Variants in GSDME observed in about 807,000 individuals in gnomAD.
GSDME encodes gasdermin E, also known as gasdermin-E.
In GSDME, 44 loss-of-function variants were observed where a neutral mutation model predicts 47.5. The observed-to-expected ratio is 0.93, with a 90% CI of 0.73 to 1.19. GSDME has a LOEUF of 1.19. Ranked by LOEUF, GSDME falls within the 50% of genes most tolerant of loss-of-function variation. GSDME has a pLI of 0.00. For missense variants in GSDME, 663 were observed against 604.2 expected, an observed-to-expected ratio of 1.10 and a Z score of -1.02; for synonymous variants, 258 against 252.8, an observed-to-expected ratio of 1.02 and a Z score of -0.20.
chr7:24,731,616 G>A (rs906570773), intron 3 of GSDME, among the ~76,000 whole-genome samples: 7 of 152,240 alleles, frequency 4.6e-5, no homozygotes, highest in African/African-American at 1.7e-4. Context: ...GATTTGCTAG[G>A]CAGGCTCTAT....
chr7:24,749,822 A>C (rs1790798921), intron 1 of GSDME, 29 bp from the exon 2 acceptor site: 3 of 1,476,544 alleles, frequency 2.0e-6, no homozygotes, highest in Non-Finnish European at 1.9e-6. Context: ...CCTAAAATCA[A>C]ATAAGAAGTT....
intron 1 of GSDME, among the ~76,000 whole-genome samples, chr7:24,751,220 C>A (rs960148275): frequency 1.3e-5 from 2 of 152,096 alleles, no homozygotes; most frequent in Non-Finnish European, 2.9e-5. Flanking sequence ...AAACCATTCA[C>A]AATACACAAA....
chr7:24,738,258 A>G (rs555383865), intron 3 of GSDME, among the ~76,000 whole-genome samples: 2 of 152,348 alleles, frequency 1.3e-5, no homozygotes, highest in African/African-American at 2.4e-5. Context: ...ATTAAAGCCA[A>G]TAAACAAATT....
At chr7:24,727,543 GT>G (rs1345958701) in intron 3 of GSDME, among the ~76,000 whole-genome samples, 3 of 152,310 alleles carry the variant, frequency 2.0e-5, no homozygotes, top group East Asian at 3.9e-4. Context: ...TCTCCCAAGG[GT>G]TTTGATTTAT....
chr7:24,788,369 A>G, the GSDME span, among the ~76,000 whole-genome samples: 1 of 150,810 alleles, frequency 6.6e-6, no homozygotes, highest in African/African-American at 2.4e-5. The surrounding 1 kb of genome is among the most constrained non-coding windows in gnomAD (Gnocchi z 4.6). Flanking sequence ...GTCTCTCTAC[A>G]GCTGTAGCTC....
chr7:24,746,670 G>T (rs77589514), intron 2 of GSDME, among the ~76,000 whole-genome samples: 5,661 of 152,270 alleles, frequency 0.037, 150 homozygotes, highest in Non-Finnish European at 0.055. Flanking sequence ...CAGCAGGAAG[G>T]AACAGTCAAG....
At chr7:24,707,523 C>CT (rs1789162963) in intron 7 of GSDME, 5 of 438,380 alleles carry the variant, frequency 1.1e-5, no homozygotes, top group South Asian at 3.4e-5. Flanking sequence ...TTGCAGTAGT[C>CT]TGAGTAGTGG....
Position 24,725,619 on chromosome 7 carries a change from C to T in GSDME, c.405-6401G>A, listed in dbSNP as rs1322905715. On this transcript the variant is annotated intron_variant, in intron 3 of 9. Transcript: ENST00000645220. The surrounding 1 kb of genome is among the most constrained non-coding windows in gnomAD (Gnocchi z 5.1). ...TGATCGATTGAGCAAGCAGTGGGTA[C>T]GTGACTGGGGGCTGCATGCTCTGCT... 4.6e-5 allele frequency among the ~76,000 whole-genome samples: 7 copies of T among 152,202 alleles called. No individual in the cohort carries two copies. Among genetic ancestry groups the T allele is most frequent in the Middle Eastern group, 3.4e-3 (1 of 294 alleles).
the GSDME span, among the ~76,000 whole-genome samples, chr7:24,775,355 A>G: frequency 2.5e-3 from 388 of 152,350 alleles, 2 homozygotes; most frequent in African/African-American, 9.0e-3. Flanking sequence ...TAATTTCTGT[A>G]CTATAAAATC....
At chr7:24,748,766 C>T (rs1435811805) in intron 2 of GSDME, among the ~76,000 whole-genome samples, 1 of 152,072 alleles carries the variant, frequency 6.6e-6, no homozygotes, top group Non-Finnish European at 1.5e-5. Flanking sequence ...CACATAAGCC[C>T]ATCCCCCATG....
At chr7:24,713,640 G>A (rs1325534803) in intron 5 of GSDME, among the ~76,000 whole-genome samples, 2 of 152,206 alleles carry the variant, frequency 1.3e-5, no homozygotes, top group Non-Finnish European at 2.9e-5. Context: ...GGGAAGGCAC[G>A]AGACCCATGC....
chr7:24,767,254 G>A, the GSDME span, among the ~76,000 whole-genome samples: 2 of 152,162 alleles, frequency 1.3e-5, no homozygotes, highest in African/African-American at 2.4e-5. The surrounding 1 kb of genome is among the most constrained non-coding windows in gnomAD (Gnocchi z 5.3). Flanking sequence ...AACCTGGGAG[G>A]CAGAGGTTGC....
chr7:24,708,689 G>A (rs1364116863), intron 6 of GSDME, among the ~76,000 whole-genome samples: 1 of 152,144 alleles, frequency 6.6e-6, no homozygotes, highest in Non-Finnish European at 1.5e-5. Context: ...GTCCTTTCTT[G>A]TAGTACATTG....
At chr7:24,766,880 C>T in the GSDME span, among the ~76,000 whole-genome samples, 1 of 152,244 alleles carries the variant, frequency 6.6e-6, no homozygotes, top group Non-Finnish European at 1.5e-5. This position sits in a 1 kb window ranked among gnomAD's most constrained non-coding sequence, Gnocchi z 4.2. Flanking sequence ...AATTGCCACA[C>T]TGTCTTCCAC....
rs1352901738 is a variant in GSDME at position 24,714,331 on chromosome 7, C to T, written c.697+2923G>A. ...CCACCAGGAAGGTAGGGAGAGAGAG[C>T]AGGCATGTCTTCTCAAGGGCCCTTC... On this transcript the variant is annotated intron_variant, in intron 5 of 9. Transcript: ENST00000645220. This position sits in a 1 kb window ranked among gnomAD's most constrained non-coding sequence, Gnocchi z 5.0. Among the ~76,000 whole-genome samples, 3 of 152,142 alleles carry T rather than the reference C, an allele frequency of 2.0e-5. No individual in the cohort carries two copies. The highest frequency in any genetic ancestry group is 4.4e-5 in the Non-Finnish European group (3 of 68,030).
chr7:24,699,463 C>A (rs1359083733), intron 9 of GSDME, among the ~76,000 whole-genome samples: 1 of 152,066 alleles, frequency 6.6e-6, no homozygotes, highest in Non-Finnish European at 1.5e-5. Flanking sequence ...TTGCCTCAGC[C>A]TCCCGAGTAG....
chr7:24,793,657 A>G, the GSDME span, among the ~76,000 whole-genome samples: 1 of 152,256 alleles, frequency 6.6e-6, no homozygotes, highest in Non-Finnish European at 1.5e-5. Context: ...TTCACAGACA[A>G]TTCTTCAACA....
chr7:24,766,585 A>G, the GSDME span, among the ~76,000 whole-genome samples: 3 of 152,142 alleles, frequency 2.0e-5, no homozygotes, highest in African/African-American at 7.2e-5. The surrounding 1 kb of genome is among the most constrained non-coding windows in gnomAD (Gnocchi z 4.2). Flanking sequence ...TAGTTTGCTG[A>G]GAGTGATGGT....
At chr7:24,755,748 G>A (rs1790994852) in intron 1 of GSDME, among the ~76,000 whole-genome samples, 1 of 152,114 alleles carries the variant, frequency 6.6e-6, no homozygotes, top group Non-Finnish European at 1.5e-5. Flanking sequence ...CTTTTTTTCT[G>A]TTCTAATGTG....
Sources: gnomAD v4.1 joint callset for allele counts (sites outside exome capture counted in the v4.1 genomes callset) on GRCh38, gnomAD v4.1.1 for gene constraint, Gnocchi (gnomAD v3.1) non-coding constraint, MANE v1.5 for transcripts, NCBI Gene and HGNC (gene_info 2026-07-23, HGNC 2026-07-21) for gene names.